Variants in CSMD3 observed in about 807,000 individuals in gnomAD.
CSMD3 encodes CUB and sushi domain-containing protein 3.
CSMD3 carries 177 observed loss-of-function variants against 435.2 expected under a neutral mutation model. The observed-to-expected ratio is 0.41, with a 90% CI of 0.36 to 0.46. The LOEUF is 0.46. Ranked by LOEUF, CSMD3 falls within the 20% of genes least tolerant of loss-of-function variation. CSMD3 has a pLI of 0.34. For missense variants in CSMD3, 4,265 were observed against 4,504.6 expected, an observed-to-expected ratio of 0.95 and a Z score of 1.52; for synonymous variants, 1,656 against 1,520.5, an observed-to-expected ratio of 1.09 and a Z score of -2.07.
At chr8:113,135,260 C>A (rs966052898) in intron 4 of CSMD3, among the ~76,000 whole-genome samples, 3 of 151,794 alleles carry the variant, frequency 2.0e-5, no homozygotes, top group Non-Finnish European at 4.4e-5. Flanking sequence ...TTATAAATTG[C>A]TGATAAATTA....
In CSMD3 at chr8:112,562,938, A is replaced by G. The variant is rs577507962; in HGVS notation, c.4043-5984T>C. Among the ~76,000 whole-genome samples, 8 of 151,832 alleles carry G rather than the reference A, an allele frequency of 5.3e-5. No individual in the cohort carries two copies. In the East Asian group the frequency reaches 1.6e-3, roughly 30 times the overall value. ...TTTTTAACAATCTATTTCTTTTTGT[A>G]TTTAGCAATTTGGAAGTTTTTACTA... On this transcript the variant is annotated intron_variant, in intron 24 of 70. Transcript: ENST00000297405.
intron 45 of CSMD3, among the ~76,000 whole-genome samples, chr8:112,331,237 T>C (rs1257729174): frequency 1.3e-5 from 2 of 152,012 alleles, no homozygotes; most frequent in African/African-American, 2.4e-5. Flanking sequence ...TAGGACTGAA[T>C]ATTATTATTA....
chr8:112,313,026 C>T (rs570669517), intron 49 of CSMD3, among the ~76,000 whole-genome samples: 92 of 152,170 alleles, frequency 6.0e-4, no homozygotes, highest in South Asian at 2.5e-3. Context: ...TATCCATGGC[C>T]TCTGACATGA....
At chr8:112,479,723 GT>G (rs1434155197) in intron 31 of CSMD3, among the ~76,000 whole-genome samples, 1 of 152,192 alleles carries the variant, frequency 6.6e-6, no homozygotes, top group Non-Finnish European at 1.5e-5. Context: ...CATAATGCAA[GT>G]GTGAAGGACG....
intron 38 of CSMD3, among the ~76,000 whole-genome samples, chr8:112,370,005 GGAAGAGGAAGAA>G (rs1240601780): frequency 1.6e-5 from 1 of 63,980 alleles, no homozygotes; most frequent in African/African-American, 6.9e-5. Context: ...AAGAAGAAGA[GGAAGAGGAAGAA>G]GAAGAGGAAG....
Position 112,638,872 on chromosome 8 carries a change from T to C in CSMD3, c.3350A>G (p.His1117Arg), listed in dbSNP as rs1302262265. Residue 1117 changes from histidine (H) to arginine (R), a missense_variant, in exon 21 of 71, where the codon CAT (histidine) becomes CGT (arginine). His to Arg is a conservative substitution (Grantham distance 29, BLOSUM62 0). Transcript: ENST00000297405. ...CTCTGTGATCAGTAAGTAGTCATGA[T>C]GGTCTTCCAAATGAAAAGTGTGGAA... ...FNFHTFHLED[H>R]HDYLLITENG... is the part of the protein sequence containing the mutation. 1 of 1,613,342 alleles carries C rather than the reference T, an allele frequency of 6.2e-7. No individual in the cohort carries two copies. Among genetic ancestry groups the C allele is most frequent in the Non-Finnish European group, 8.5e-7 (1 of 1,179,524 alleles).
rs558869387 is a variant in CSMD3 at position 112,406,028 on chromosome 8, T to C, written c.5809+496A>G. Among the ~76,000 whole-genome samples the C allele has an allele frequency of 4.1e-4, 63 of 152,052 alleles. 1 individual carries two copies. Among genetic ancestry groups the C allele is most frequent in the African/African-American group, 1.4e-3 (60 of 41,494 alleles). ...GTACATTTGGAAATAACTTAAAGAGTATAATTGGATTGTCGCAACACAATG... is the reference window on the plus strand; with the variant it reads ...GTACATTTGGAAATAACTTAAAGAGCATAATTGGATTGTCGCAACACAATG... On this transcript the variant is annotated intron_variant, in intron 35 of 70. Coordinates refer to ENST00000297405, the MANE Select transcript of CSMD3 (RefSeq NM_198123.2).
At chr8:113,139,485 A>G (rs920329948) in intron 4 of CSMD3, among the ~76,000 whole-genome samples, 33 of 151,008 alleles carry the variant, frequency 2.2e-4, no homozygotes, top group African/African-American at 8.0e-4. Flanking sequence ...ACATGTATTT[A>G]TATATAATAT....
At chr8:113,342,733 C>T (rs1341308317) in intron 1 of CSMD3, among the ~76,000 whole-genome samples, 9 of 152,106 alleles carry the variant, frequency 5.9e-5, no homozygotes. Context: ...TTCCATAGAT[C>T]TCACTCACAA....
At chr8:113,243,417 TGTTGTAGCAA>T (rs1256812138) in intron 3 of CSMD3, among the ~76,000 whole-genome samples, 1 of 152,120 alleles carries the variant, frequency 6.6e-6, no homozygotes, top group Non-Finnish European at 1.5e-5. Flanking sequence ...GGTTCGTGCA[TGTTGTAGCAA>T]GTATCAGTGT....
At chr8:113,137,606 G>C (rs1278731958) in intron 4 of CSMD3, among the ~76,000 whole-genome samples, 1 of 151,470 alleles carries the variant, frequency 6.6e-6, no homozygotes, top group Non-Finnish European at 1.5e-5. Flanking sequence ...TTCCAAAGAT[G>C]GCACCTTGTT....
intron 32 of CSMD3, among the ~76,000 whole-genome samples, chr8:112,471,296 T>C (rs1156244739): frequency 6.6e-6 from 1 of 152,022 alleles, no homozygotes; most frequent in Non-Finnish European, 1.5e-5. Context: ...TCAGCAACCA[T>C]GTAACATTTT....
intron 1 of CSMD3, among the ~76,000 whole-genome samples, chr8:113,431,006 G>T (rs984746122): frequency 6.6e-6 from 1 of 152,196 alleles, no homozygotes; most frequent in Non-Finnish European, 1.5e-5. Flanking sequence ...GTGAATACCA[G>T]CAGGTCTTCA....
At chr8:112,581,994 T>C (rs767877029) in intron 23 of CSMD3, among the ~76,000 whole-genome samples, 7 of 152,176 alleles carry the variant, frequency 4.6e-5, no homozygotes, top group South Asian at 4.1e-4. Context: ...GGCTTGGTGT[T>C]AGAGCATGTG....
At chr8:112,613,099 T>C (rs1833392205) in intron 22 of CSMD3, among the ~76,000 whole-genome samples, 2 of 152,054 alleles carry the variant, frequency 1.3e-5, no homozygotes, top group South Asian at 4.1e-4. Flanking sequence ...AAGGAAAGTC[T>C]ATGTGTTATA....
At chr8:113,044,006 T>A (rs144089681) in intron 5 of CSMD3, among the ~76,000 whole-genome samples, 5 of 152,210 alleles carry the variant, frequency 3.3e-5, no homozygotes, top group African/African-American at 9.6e-5. Flanking sequence ...CACTCAGCCC[T>A]ACCTTAAATT....
At chr8:112,296,291 G>A (rs1259419147) in intron 53 of CSMD3, among the ~76,000 whole-genome samples, 4 of 152,058 alleles carry the variant, frequency 2.6e-5, no homozygotes, top group South Asian at 2.1e-4. Context: ...GGTGGTTCAC[G>A]CCTGTAATCC....
chr8:112,326,536 G>C (rs954314608), intron 45 of CSMD3, among the ~76,000 whole-genome samples: 5 of 152,164 alleles, frequency 3.3e-5, no homozygotes, highest in African/African-American at 4.8e-5. Flanking sequence ...CATATTACCA[G>C]TTAAGAGGGA....
chr8:112,830,786 AT>A (rs548208858), intron 11 of CSMD3, among the ~76,000 whole-genome samples: 4,238 of 138,316 alleles, frequency 0.031, 71 homozygotes, highest in African/African-American at 0.058. Context: ...TATAATAACA[AT>A]TTTTTTTTTT....
Sources: gnomAD v4.1 joint callset for allele counts (sites outside exome capture counted in the v4.1 genomes callset) on GRCh38, gnomAD v4.1.1 for gene constraint, MANE v1.5 for transcripts, NCBI Gene and HGNC (gene_info 2026-07-23, HGNC 2026-07-21) for gene names.